Variants in CCDC33 observed in about 807,000 individuals in gnomAD.
CCDC33 encodes the protein coiled-coil domain-containing protein 33.
In CCDC33, 94 loss-of-function variants were observed where a neutral mutation model predicts 91.9. The observed-to-expected ratio is 1.02, with a 90% CI of 0.87 to 1.21. CCDC33 has a LOEUF of 1.21. Among genes scored for constraint, CCDC33 ranks in the 50% most tolerant of loss-of-function variants. CCDC33 has a pLI of 0.00. For missense variants in CCDC33, 940 were observed against 935.5 expected (o/e 1.00, Z -0.06); for synonymous variants, 396 against 374.5 (o/e 1.06, Z -0.66).
intron 2 of CCDC33, among the ~76,000 whole-genome samples, chr15:74,222,512 GT>G (rs1226475730): frequency 1.9e-3 from 250 of 134,284 alleles, no homozygotes; most frequent in African/African-American, 5.3e-3. Context: ...TTTCAAGGTT[GT>G]TTTTTTTTTC....
chr15:74,280,393 G>T (rs1170854060), intron 8 of CCDC33, among the ~76,000 whole-genome samples: 1 of 152,224 alleles, frequency 6.6e-6, no homozygotes, highest in Admixed American at 6.5e-5. Flanking sequence ...GGGCTTCAGA[G>T]ACCAGCTGAT....
At chr15:74,326,783 G>A (rs2060318263) in intron 11 of CCDC33, among the ~76,000 whole-genome samples, 1 of 152,210 alleles carries the variant, frequency 6.6e-6, no homozygotes, top group Non-Finnish European at 1.5e-5. Context: ...CAGCAGACTG[G>A]AAAGTGGGGA....
intron 7 of CCDC33, among the ~76,000 whole-genome samples, chr15:74,276,632 C>T (rs759565096): frequency 6.6e-6 from 1 of 152,202 alleles, no homozygotes; most frequent in African/African-American, 2.4e-5. Flanking sequence ...GTTACTATCA[C>T]GACAAGGCAA....
intron 11 of CCDC33, among the ~76,000 whole-genome samples, chr15:74,298,982 A>T (rs766420344): frequency 6.6e-6 from 1 of 152,146 alleles, no homozygotes; most frequent in Non-Finnish European, 1.5e-5. Flanking sequence ...AAGTGCTGAG[A>T]TTACAGACCT....
intron 10 of CCDC33, among the ~76,000 whole-genome samples, chr15:74,287,426 C>G (rs890785647): frequency 7.2e-5 from 11 of 152,186 alleles, no homozygotes; most frequent in Non-Finnish European, 1.2e-4. Flanking sequence ...GCAGAGGAGA[C>G]AGATCCACCC....
chr15:74,264,743 G>C (rs2076124132), intron 3 of CCDC33, among the ~76,000 whole-genome samples: 1 of 152,156 alleles, frequency 6.6e-6, no homozygotes, highest in African/African-American at 2.4e-5. Context: ...CAACCACGAG[G>C]AGCATTTGCA....
chr15:74,261,377 G>A (rs2097797720), intron 2 of CCDC33, among the ~76,000 whole-genome samples: 1 of 152,218 alleles, frequency 6.6e-6, no homozygotes, highest in African/African-American at 2.4e-5. Flanking sequence ...GCTGGGCTGG[G>A]AAGAACCATG....
rs976280112 is a variant in CCDC33, at chr15:74,281,988, A to T, written c.1095+139A>T. 1.8e-5 allele frequency: 12 copies of T among 682,476 alleles called. No individual in the cohort carries two copies. In the Admixed American group the frequency reaches 2.1e-4, roughly 12 times the overall value. The allele number at this position is 682,476 out of a possible 1,614,324, so 42.3% of individuals were successfully genotyped here. A position where few individuals can be genotyped will look rare whatever the true frequency, so the allele number is the denominator to read the frequency against. On this transcript the variant is annotated intron_variant, in intron 10 of 18. Coordinates refer to ENST00000398814, the MANE Select transcript of CCDC33 (RefSeq NM_025055.5). ...CTTTGGATAGAAACGTCTAAGGGTG[A>T]TTTGAGACTCCAGACAAACGTAGAG...
upstream of CCDC33, chr15:74,213,199 G>C (rs1398100205): frequency 1.4e-5 from 2 of 144,992 alleles, no homozygotes; most frequent in Non-Finnish European, 3.0e-5. Flanking sequence ...CTGGGCGAGA[G>C]AGCGAGACTC....
chr15:74,331,827 C>A (rs1303083010), intron 15 of CCDC33, among the ~76,000 whole-genome samples: 1 of 152,130 alleles, frequency 6.6e-6, no homozygotes, highest in Non-Finnish European at 1.5e-5. Flanking sequence ...GTCAGGAGTT[C>A]AAGACCAGCC....
chr15:74,231,389 C>T (rs114685915), upstream of CCDC33, among the ~76,000 whole-genome samples: 165 of 152,328 alleles, frequency 1.1e-3, 2 homozygotes, highest in African/African-American at 3.8e-3. Context: ...GCCAGCCATG[C>T]CCAGCTGAGC....
rs897496843 is a variant in CCDC33 at position 74,312,202 on chromosome 15, C to A, written c.1290+16254C>A. The stretch of plus-strand genomic sequence containing the variant: ...CCTTGTTCCAAAGTCCCTTTCACCC[C>A]CTTGCCCTTGCCTAGAGGCTGAGCC... On this transcript the variant is annotated intron_variant, in intron 11 of 18. Transcript: ENST00000398814. Among the ~76,000 whole-genome samples, 4 of 152,194 alleles carry A rather than the reference C, an allele frequency of 2.6e-5. No individual in the cohort carries two copies. In the East Asian group the frequency reaches 7.7e-4, roughly 29 times the overall value.
Position 74,217,320 on chromosome 15 carries a change from CAG to C in CCDC33, c.52_53del (p.Arg18AlafsTer20). 1 of 1,288,956 alleles carries C rather than the reference CAG, an allele frequency of 7.8e-7. No individual in the cohort carries two copies. The highest frequency in any genetic ancestry group is 1.0e-6 in the Non-Finnish European group (1 of 988,316). 79.8% of individuals were successfully genotyped at this position (1,288,956 alleles called of 1,614,324 possible). A position where few individuals can be genotyped will look rare whatever the true frequency, so the allele number is the denominator to read the frequency against. On this transcript the variant is annotated frameshift_variant, in exon 1 of 3. Coordinates refer to the CCDC33 transcript ENST00000635913. LOFTEE classifies it high-confidence loss of function. ...CTGGGTCTCTGCATCCCTGCTGAGA[CAG>C]AGGCTGAAGGCCGAGGAGAAGACGC...
At chr15:74,212,967 C>A (rs2074382332), upstream of CCDC33, 1 of 152,282 alleles carries the variant, frequency 6.6e-6, no homozygotes, top group Middle Eastern at 3.4e-3. Context: ...ATAATCCCAG[C>A]ACTTTGGGAG....
chr15:74,209,534 G>A, exon 2 of CCDC33: 1 of 1,186,438 alleles, frequency 8.4e-7, no homozygotes, highest in Non-Finnish European at 1.2e-6. Context: ...TGGAATTCCA[G>A]GTATGATCTA....
At chr15:74,310,356 G>T (rs1016124866) in intron 11 of CCDC33, among the ~76,000 whole-genome samples, 1 of 151,964 alleles carries the variant, frequency 6.6e-6, no homozygotes, top group Non-Finnish European at 1.5e-5. Context: ...GAACAACATG[G>T]TGAAACCCCG....
At position 74,280,781 on chromosome 15, in the gene CCDC33, G is replaced by T. The variant is rs747416037; in HGVS notation, c.1003G>T (p.Val335Leu). 39 of 1,550,814 alleles carry T rather than the reference G, an allele frequency of 2.5e-5. No homozygotes were observed. The East Asian group carries it at 9.2e-4, about 36-fold the overall frequency. ...AGGGAAAGGCTTGGACGGGCTTCACGTGGAGCGGCTCCCCATCATGGTGAG... is the reference window on the plus strand; with the variant it reads ...AGGGAAAGGCTTGGACGGGCTTCACTTGGAGCGGCTCCCCATCATGGTGAG... The part of the protein sequence containing the change: ...LTGKGLDGLH[V>L]ERLPIMDTSL... Residue 335 changes from valine to leucine, a missense_variant, in exon 9 of 19, where the codon GTG becomes TTG. Coordinates refer to ENST00000398814, the MANE Select transcript of CCDC33 (RefSeq NM_025055.5).
intron 3 of CCDC33, 53 bp downstream of exon 3, chr15:74,262,626 C>T: frequency 6.4e-7 from 1 of 1,565,796 alleles, no homozygotes; most frequent in South Asian, 1.2e-5. Context: ...TGAACACAGC[C>T]AAGGACTTAG....
At chr15:74,203,342 G>T in intron 1 of CCDC33, 1 of 344,030 alleles carries the variant, frequency 2.9e-6, no homozygotes, top group South Asian at 1.2e-4. Flanking sequence ...CTCCTGGAGT[G>T]AGGTTGAGGG....
Sources: gnomAD v4.1 joint callset for allele counts (sites outside exome capture counted in the v4.1 genomes callset) on GRCh38, gnomAD v4.1.1 for gene constraint, MANE v1.5 for transcripts, NCBI Gene and HGNC (gene_info 2026-07-23, HGNC 2026-07-21) for gene names.